FARS2: variants seen among roughly 807,000 people sequenced by gnomAD.
The protein encoded by FARS2 is phenylalanyl-tRNA synthetase 2, mitochondrial.
In FARS2, 40 loss-of-function variants were observed where a neutral mutation model predicts 46.4. The observed-to-expected ratio is 0.86, with a 90% confidence interval of 0.67 to 1.12. The LOEUF is 1.12. FARS2 is among the 50% of genes most tolerant of loss of function. FARS2 has a pLI of 0.00. For missense variants in FARS2, 513 were observed against 567.9 expected (o/e 0.90, Z 0.98); for synonymous variants, 234 against 214.9 (o/e 1.09, Z -0.78).
intron 2 of FARS2, among the ~76,000 whole-genome samples, chr6:5,404,280 C>T (rs1255596357): frequency 2.0e-5 from 3 of 152,190 alleles, no homozygotes; most frequent in Non-Finnish European, 2.9e-5. Flanking sequence ...ACTATAAGTT[C>T]ATGCAAATCA....
intron 6 of FARS2, among the ~76,000 whole-genome samples, chr6:5,641,489 G>A (rs1268756674): frequency 6.6e-6 from 1 of 152,088 alleles, no homozygotes; most frequent in Non-Finnish European, 1.5e-5. Flanking sequence ...TAGAGACAGG[G>A]TTTTGCCATG....
chr6:5,468,637 T>G (rs1765644952), intron 4 of FARS2, among the ~76,000 whole-genome samples: 1 of 152,252 alleles, frequency 6.6e-6, no homozygotes, highest in African/African-American at 2.4e-5. Context: ...AGTGTTTGAT[T>G]GTTCATTTTT....
chr6:5,363,245 T>C (rs1295466981), intron 1 of FARS2, among the ~76,000 whole-genome samples: 1 of 152,092 alleles, frequency 6.6e-6, no homozygotes, highest in Non-Finnish European at 1.5e-5. Context: ...ATTTTTAAGT[T>C]ATTTGCTTTC....
chr6:5,568,982 T>G (rs777352274), intron 5 of FARS2, among the ~76,000 whole-genome samples: 1 of 151,958 alleles, frequency 6.6e-6, no homozygotes, highest in Non-Finnish European at 1.5e-5. Context: ...ACCCTATGGC[T>G]TAACACCTAA....
intron 6 of FARS2, among the ~76,000 whole-genome samples, chr6:5,665,951 G>C (rs1275493229): frequency 6.6e-6 from 1 of 152,150 alleles, no homozygotes; most frequent in Non-Finnish European, 1.5e-5. Flanking sequence ...TGTCATGAGG[G>C]TTTGGAGAGG....
At chr6:5,664,297 A>G (rs1777996691) in intron 6 of FARS2, among the ~76,000 whole-genome samples, 1 of 152,176 alleles carries the variant, frequency 6.6e-6, no homozygotes, top group African/African-American at 2.4e-5. Context: ...CTGAGAATCA[A>G]GTGGACCCCC....
rs545533859 is a variant in FARS2, at chr6:5,311,853, A to G, written c.-22+50193A>G. ...CACTCACAGATTCCTTTGTTCCACA[A>G]CTGTAATGTATTTCTGATTCTCATT... On this transcript the variant is annotated intron_variant, in intron 1 of 6. Transcript: ENST00000274680. The surrounding 1 kb of genome is among the most constrained non-coding windows in gnomAD (Gnocchi z 4.1). Among the ~76,000 whole-genome samples, 2 of 152,306 alleles carry G rather than the reference A, an allele frequency of 1.3e-5. No homozygotes were observed. Among genetic ancestry groups the G allele is most frequent in the East Asian group, 1.9e-4 (1 of 5,192 alleles).
intron 4 of FARS2, among the ~76,000 whole-genome samples, chr6:5,502,628 A>G (rs1477916157): frequency 1.3e-5 from 2 of 152,242 alleles, no homozygotes; most frequent in East Asian, 1.9e-4. Flanking sequence ...TAAACATTTC[A>G]AAGATGAGCA....
chr6:5,728,639 A>G (rs1172922816), intron 6 of FARS2, among the ~76,000 whole-genome samples: 1 of 152,214 alleles, frequency 6.6e-6, no homozygotes, highest in African/African-American at 2.4e-5. Context: ...AATCATAAAG[A>G]AAGGCTCAGT....
intron 4 of FARS2, among the ~76,000 whole-genome samples, chr6:5,462,714 A>G (rs987976416): frequency 1.3e-5 from 2 of 152,176 alleles, no homozygotes; most frequent in Non-Finnish European, 2.9e-5. Context: ...TTGACTATTG[A>G]AGCTTTAGAA....
At chr6:5,318,117 T>A (rs1769669837) in intron 1 of FARS2, among the ~76,000 whole-genome samples, 1 of 151,938 alleles carries the variant, frequency 6.6e-6, no homozygotes, top group Non-Finnish European at 1.5e-5. Flanking sequence ...TCCCAGCACT[T>A]TGGGAGGCCA....
intron 1 of FARS2, among the ~76,000 whole-genome samples, chr6:5,287,273 T>A (rs1767188054): frequency 6.6e-6 from 1 of 152,184 alleles, no homozygotes; most frequent in South Asian, 2.1e-4. Context: ...TGTAGACATT[T>A]GCTGTGGACC....
rs147895389 is a variant in FARS2 at position 5,529,382 on chromosome 6, A to G, written c.905-15798A>G. Among the ~76,000 whole-genome samples the G allele has an allele frequency of 5.3e-5, 8 of 152,264 alleles. No homozygotes were observed. In the East Asian group the frequency reaches 1.2e-3, roughly 22 times the overall value. On this transcript the variant is annotated intron_variant, in intron 4 of 6. Transcript: ENST00000274680. ...CAGTGCAGTGGCACAATCTCGGCGC[A>G]CTGCAACCTCCGCCTCCTGGGTTCA... is the stretch of plus-strand genomic sequence containing the variant.
chr6:5,341,772 GC>G (rs1244084947), intron 1 of FARS2, among the ~76,000 whole-genome samples: 1 of 152,064 alleles, frequency 6.6e-6, no homozygotes, highest in East Asian at 1.9e-4. Flanking sequence ...ACCCATCTTG[GC>G]CTCCCAAAGT....
intron 4 of FARS2, chr6:5,452,465 G>GCA (rs1162927115): frequency 6.6e-6 from 1 of 152,290 alleles, no homozygotes; most frequent in Admixed American, 6.5e-5. Context: ...AATGTGCCAT[G>GCA]CACACTCTGT....
rs201453393 is a variant in FARS2 at position 5,576,834 on chromosome 6, A to AT, written c.1065+31503dup. 5.1e-3 allele frequency among the ~76,000 whole-genome samples: 771 copies of AT among 150,640 alleles called. 7 individuals carry two copies. The highest frequency in any genetic ancestry group is 0.015 in the African/African-American group (637 of 41,136). ...CAATGAGTAGCAATTCCTTACTATC[A>AT]TTTTTTTTTAATTTTGAACCTCTTA... On this transcript the variant is annotated intron_variant, in intron 5 of 6. Coordinates refer to ENST00000274680, the MANE Select transcript of FARS2 (RefSeq NM_006567.5).
At chr6:5,277,026 T>C (rs1766384157) in intron 1 of FARS2, among the ~76,000 whole-genome samples, 1 of 152,236 alleles carries the variant, frequency 6.6e-6, no homozygotes, top group Non-Finnish European at 1.5e-5. Flanking sequence ...TAATTTTTTC[T>C]CCCTGTGGTG....
At chr6:5,530,370 C>G (rs578157275) in intron 4 of FARS2, among the ~76,000 whole-genome samples, 34 of 152,134 alleles carry the variant, frequency 2.2e-4, no homozygotes, top group Admixed American at 2.1e-3. Flanking sequence ...ACTAAAGAGA[C>G]ATGATATGTA....
chr6:5,325,658 A>G (rs1056444156), intron 1 of FARS2, among the ~76,000 whole-genome samples: 2 of 152,382 alleles, frequency 1.3e-5, no homozygotes, highest in African/African-American at 4.8e-5. Context: ...CCATGAAAAA[A>G]TGGTGTACTT....
Sources: allele counts gnomAD v4.1 joint callset (sites outside exome capture counted in the v4.1 genomes callset), GRCh38; gene constraint gnomAD v4.1.1; non-coding constraint Gnocchi (gnomAD v3.1); transcripts MANE v1.5; gene names NCBI Gene and HGNC (gene_info 2026-07-23, HGNC 2026-07-21).